Variants in OSBPL10 observed in about 807,000 individuals in gnomAD.
OSBPL10 encodes oxysterol-binding protein-related protein 10.
A neutral mutation model predicts 81.7 loss-of-function variants in OSBPL10; 49 were observed. The ratio of observed to expected loss-of-function variants is 0.60; its 90% CI spans 0.48 to 0.76. OSBPL10 has a LOEUF of 0.76. OSBPL10 is among the 30% of genes least tolerant of loss of function. The probability of loss-of-function intolerance (pLI) is 0.00; values close to 1 mark genes in which losing one functional copy is unlikely to be tolerated. For missense variants in OSBPL10, 923 were observed against 987.8 expected, an observed-to-expected ratio of 0.93 and a Z score of 0.88; for synonymous variants, 419 against 383.6, an observed-to-expected ratio of 1.09 and a Z score of -1.08.
chr3:31,780,833 C>CCCG (rs1553624866), intron 4 of OSBPL10, among the ~76,000 whole-genome samples: 2,448 of 150,228 alleles, frequency 0.016, 66 homozygotes, highest in African/African-American at 0.057. Context: ...TGCCCCCCAC[C>CCCG]CCCCCAAAAA....
intron 3 of OSBPL10, among the ~76,000 whole-genome samples, chr3:31,842,161 T>G (rs1440248752): frequency 6.6e-6 from 1 of 151,764 alleles, no homozygotes; most frequent in African/African-American, 2.4e-5. Flanking sequence ...TGGGTAAAGA[T>G]TCAAAGTTAA....
intron 2 of OSBPL10, among the ~76,000 whole-genome samples, chr3:32,034,174 C>T (rs1393068221): frequency 2.6e-5 from 4 of 152,146 alleles, no homozygotes; most frequent in Non-Finnish European, 5.9e-5. Context: ...ATTACCTCCA[C>T]CTGATCCCAC....
At chr3:31,874,405 A>G (rs939899356) in intron 3 of OSBPL10, among the ~76,000 whole-genome samples, 1 of 152,200 alleles carries the variant, frequency 6.6e-6, no homozygotes, top group Admixed American at 6.5e-5. Flanking sequence ...AATATTCTAC[A>G]AAGCAAAAAT....
chr3:31,869,352 A>G (rs1321097546), intron 3 of OSBPL10, among the ~76,000 whole-genome samples: 7 of 152,230 alleles, frequency 4.6e-5, no homozygotes, highest in Non-Finnish European at 2.9e-5. Flanking sequence ...AGATGGATAT[A>G]TCCAATTAAT....
At chr3:31,753,291 T>G (rs1697776110) in intron 4 of OSBPL10, among the ~76,000 whole-genome samples, 1 of 151,826 alleles carries the variant, frequency 6.6e-6, no homozygotes, top group Admixed American at 6.6e-5. Flanking sequence ...CTCCTGGGTT[T>G]AAGTGATTCT....
intron 4 of OSBPL10, among the ~76,000 whole-genome samples, chr3:31,806,807 A>AT (rs1699532800): frequency 1.3e-5 from 2 of 151,998 alleles, no homozygotes; most frequent in Non-Finnish European, 2.9e-5. Context: ...GGGGGGAGCC[A>AT]TGTGGGTGGA....
intron 4 of OSBPL10, among the ~76,000 whole-genome samples, chr3:31,802,075 G>A (rs1044925535): frequency 4.0e-5 from 6 of 151,034 alleles, no homozygotes; most frequent in Non-Finnish European, 7.4e-5. Flanking sequence ...CGTCCGCCTC[G>A]GCCTCCCAAA....
intron 1 of OSBPL10, among the ~76,000 whole-genome samples, chr3:31,958,143 A>C (rs1391329537): frequency 6.6e-6 from 1 of 152,188 alleles, no homozygotes; most frequent in Non-Finnish European, 1.5e-5. Flanking sequence ...TTGTGACCAC[A>C]ATGTTAACTT....
intron 3 of OSBPL10, among the ~76,000 whole-genome samples, chr3:31,872,537 A>G (rs570246561): frequency 1.8e-4 from 28 of 151,984 alleles, no homozygotes; most frequent in African/African-American, 6.5e-4. Flanking sequence ...AAGAACAAAA[A>G]GTACCATAAT....
At chr3:31,818,790 G>GCA (rs1395063647) in intron 4 of OSBPL10, among the ~76,000 whole-genome samples, 1 of 77,286 alleles carries the variant, frequency 1.3e-5, no homozygotes, top group Non-Finnish European at 2.9e-5. Context: ...CAAGGACAAG[G>GCA]CAGTGACAGC....
At chr3:31,956,969 T>TA (rs201147992) in intron 1 of OSBPL10, among the ~76,000 whole-genome samples, 25,767 of 151,594 alleles carry the variant, frequency 0.17, 2,647 homozygotes, top group South Asian at 0.27. Context: ...CCCATCTCTA[T>TA]AAAAAATACA....
chr3:31,891,146 T>C (rs894425289), intron 1 of OSBPL10, among the ~76,000 whole-genome samples: 1 of 152,200 alleles, frequency 6.6e-6, no homozygotes, highest in Non-Finnish European at 1.5e-5. Flanking sequence ...CTTTACTTTT[T>C]CTCTAGGGGC....
chr3:31,981,144 C>A lies in OSBPL10; in HGVS notation c.36G>T (p.Gly12=). 6.7e-7 allele frequency: 1 copy of A among 1,490,564 alleles called. No individual in the cohort carries two copies. The highest frequency in any genetic ancestry group is 8.9e-7 in the Non-Finnish European group (1 of 1,125,284). 92.3% of individuals were successfully genotyped at this position (1,490,564 alleles called of 1,614,324 possible). ...TGCTGCGGCTGCTGCTGTTGCTACC[C>A]CCGCCGCCGTCTGTGCCCTGGACTG... The part of the protein sequence containing the change: ...ERAVQGTDGG[G]GSNSSSRSSS... Residue 12 remains glycine, a synonymous_variant, in exon 1 of 12, where the codon GGG becomes GGT. Coordinates refer to ENST00000396556, the MANE Select transcript of OSBPL10 (RefSeq NM_017784.5). This position sits in a 1 kb window ranked among gnomAD's most constrained non-coding sequence, Gnocchi z 4.5.
At chr3:31,998,067 G>A (rs1699109207) in intron 2 of OSBPL10, among the ~76,000 whole-genome samples, 1 of 152,060 alleles carries the variant, frequency 6.6e-6, no homozygotes, top group African/African-American at 2.4e-5. Context: ...TGCCACAGGT[G>A]TGAGCAGCCG....
chr3:31,773,000 CTT>C (rs60001546), intron 4 of OSBPL10, among the ~76,000 whole-genome samples: 64 of 137,896 alleles, frequency 4.6e-4, no homozygotes, highest in Non-Finnish European at 6.2e-4. Context: ...CGTGACCAAA[CTT>C]TTTTTTTTTT....
intron 1 of OSBPL10, among the ~76,000 whole-genome samples, chr3:31,932,764 TGAAG>T (rs1198803342): frequency 6.6e-6 from 1 of 152,064 alleles, no homozygotes; most frequent in Non-Finnish European, 1.5e-5. Flanking sequence ...ATGAAAACAA[TGAAG>T]TATGTCAATA....
intron 2 of OSBPL10, among the ~76,000 whole-genome samples, chr3:32,019,608 T>A (rs1035790057): frequency 1.3e-5 from 2 of 152,236 alleles, no homozygotes; most frequent in African/African-American, 4.8e-5. Context: ...TGTTTTCATA[T>A]GTTCAACATC....
rs562464583 is a variant in OSBPL10 at position 31,961,259 on chromosome 3, G to A, written c.281+19640C>T. On this transcript the variant is annotated intron_variant, in intron 1 of 11. Transcript: ENST00000396556. ...GTCCTTGTGGGTGAGGCTAGATCAC[G>A]AGTCACCAAACAAGAATGTGGTGGT... Among the ~76,000 whole-genome samples, 10 of 152,170 alleles carry A rather than the reference G, an allele frequency of 6.6e-5. No individual in the cohort carries two copies. The East Asian group carries it at 1.4e-3, about 21-fold the overall frequency.
chr3:31,877,394 T>G (rs189093652), intron 2 of OSBPL10, among the ~76,000 whole-genome samples: 1 of 152,310 alleles, frequency 6.6e-6, no homozygotes, highest in East Asian at 1.9e-4. Flanking sequence ...GATATTAAAG[T>G]GCAAGTAGTC....
Sources: gnomAD v4.1 joint callset for allele counts (sites outside exome capture counted in the v4.1 genomes callset) on GRCh38, gnomAD v4.1.1 for gene constraint, Gnocchi (gnomAD v3.1) non-coding constraint, MANE v1.5 for transcripts, NCBI Gene and HGNC (gene_info 2026-07-23, HGNC 2026-07-21) for gene names.